Variants in PTPRM observed in about 807,000 individuals in gnomAD.
PTPRM encodes protein tyrosine phosphatase receptor type M.
PTPRM carries 47 observed loss-of-function variants against 186.7 expected under a neutral mutation model. The observed-to-expected ratio is 0.25, with a 90% CI of 0.20 to 0.32. The LOEUF (loss-of-function observed/expected upper bound fraction) is 0.32. Among genes scored for constraint, PTPRM ranks in the 10% least tolerant of loss-of-function variants. PTPRM has a pLI of 1.00. For synonymous variants in PTPRM, 668 were observed against 674.9 expected (o/e 0.99, Z 0.16); for missense variants, 1,494 against 1,865.0 (o/e 0.80, Z 3.66).
intron 23 of PTPRM, among the ~76,000 whole-genome samples, chr18:8,351,159 C>T (rs1032180024): frequency 1.1e-4 from 16 of 152,294 alleles, no homozygotes; most frequent in African/African-American, 3.6e-4. Context: ...AAAATTCCAC[C>T]CTTTCTAAGA....
intron 1 of PTPRM, chr18:7,750,878 TCC>T (rs2041181095): frequency 6.6e-6 from 1 of 151,684 alleles, no homozygotes; most frequent in South Asian, 2.1e-4. Flanking sequence ...TGGAAGCAAG[TCC>T]CCCTTGGGGT....
intron 22 of PTPRM, among the ~76,000 whole-genome samples, chr18:8,321,345 CTAAAG>C (rs2095344458): frequency 6.6e-6 from 1 of 152,136 alleles, no homozygotes; most frequent in South Asian, 2.1e-4. Flanking sequence ...AAACGAACAG[CTAAAG>C]TAGAGACTGA....
At chr18:7,921,135 C>T (rs1425196730) in intron 4 of PTPRM, among the ~76,000 whole-genome samples, 3 of 152,062 alleles carry the variant, frequency 2.0e-5, no homozygotes, top group African/African-American at 7.2e-5. Context: ...TTATCTCTTT[C>T]ATGTTTTGGA....
intron 14 of PTPRM, among the ~76,000 whole-genome samples, chr18:8,160,741 C>T (rs945949434): frequency 6.6e-6 from 1 of 152,232 alleles, no homozygotes; most frequent in East Asian, 1.9e-4. Flanking sequence ...CAGGACTTAG[C>T]ATTTCCAGGC....
chr18:8,291,758 A>G (rs1175708066), intron 19 of PTPRM, among the ~76,000 whole-genome samples: 1 of 152,158 alleles, frequency 6.6e-6, no homozygotes, highest in East Asian at 1.9e-4. Flanking sequence ...GAATAATTGC[A>G]TAGTAAAGTT....
chr18:7,748,133 G>C (rs1292802204), intron 1 of PTPRM, among the ~76,000 whole-genome samples: 1 of 152,198 alleles, frequency 6.6e-6, no homozygotes, highest in Non-Finnish European at 1.5e-5. Flanking sequence ...GGTGTGGGCT[G>C]TAGACCAGAA....
In PTPRM at chr18:8,316,416, A is replaced by G. The variant is rs77961649; in HGVS notation, c.2919+1559A>G. ...ACCGGTGAGTAAGTGGAAATGCAGG[A>G]GAGAAGATATTCCAGCTCAAGGAGG... On this transcript the variant is annotated intron_variant, in intron 21 of 32. Coordinates refer to ENST00000580170, the MANE Select transcript of PTPRM (RefSeq NM_001105244.2). Among the ~76,000 whole-genome samples, 828 of 152,330 alleles carry G rather than the reference A, an allele frequency of 5.4e-3. 5 individuals are homozygous for G. Among genetic ancestry groups the G allele is most frequent in the African/African-American group, 0.019 (792 of 41,592 alleles).
chr18:7,639,887 A>C (rs2038406812), intron 1 of PTPRM, among the ~76,000 whole-genome samples: 2 of 152,224 alleles, frequency 1.3e-5, no homozygotes, highest in Non-Finnish European at 2.9e-5. Context: ...AATTTACCCA[A>C]AGAGTATTGC....
intron 32 of PTPRM, chr18:8,399,846 T>C (rs1266049823): frequency 1.3e-5 from 2 of 152,054 alleles, no homozygotes; most frequent in African/African-American, 4.8e-5. Context: ...GGGAAAAAAA[T>C]CGACAACTAA....
intron 14 of PTPRM, among the ~76,000 whole-genome samples, chr18:8,232,207 TTATG>T (rs750651781): frequency 5.3e-4 from 80 of 152,362 alleles, no homozygotes; most frequent in Non-Finnish European, 9.8e-4. Flanking sequence ...TTTTTTGCCA[TTATG>T]TAGCCTTTCA....
chr18:7,652,143 C>T (rs1348569272), intron 1 of PTPRM, among the ~76,000 whole-genome samples: 1 of 152,182 alleles, frequency 6.6e-6, no homozygotes, highest in Non-Finnish European at 1.5e-5. Flanking sequence ...CTAAAAAACA[C>T]ATGAAAAAAT....
intron 14 of PTPRM, among the ~76,000 whole-genome samples, chr18:8,146,971 G>A (rs1001645417): frequency 6.6e-5 from 10 of 152,098 alleles, no homozygotes; most frequent in African/African-American, 2.4e-4. Flanking sequence ...GATGTGTGGT[G>A]TTATTTCTGA....
chr18:7,645,102 A>G (rs112228507), intron 1 of PTPRM, among the ~76,000 whole-genome samples: 105 of 152,296 alleles, frequency 6.9e-4, no homozygotes, highest in African/African-American at 2.5e-3. Context: ...GAAAAATAAT[A>G]TGTTTTTCCC....
At chr18:8,026,787 G>A (rs2085598740) in intron 7 of PTPRM, among the ~76,000 whole-genome samples, 1 of 152,124 alleles carries the variant, frequency 6.6e-6, no homozygotes, top group Admixed American at 6.6e-5. Flanking sequence ...TAACCCAGTA[G>A]GTGGAGGTTG....
intron 20 of PTPRM, among the ~76,000 whole-genome samples, chr18:8,302,203 G>A (rs925528876): frequency 2.6e-4 from 39 of 152,206 alleles, no homozygotes; most frequent in African/African-American, 8.2e-4. Flanking sequence ...GACTGAGTGA[G>A]GAGGTATGGG....
intron 28 of PTPRM, among the ~76,000 whole-genome samples, chr18:8,379,721 C>T (rs1330999243): frequency 2.6e-5 from 4 of 152,204 alleles, no homozygotes; most frequent in African/African-American, 9.7e-5. Context: ...AAGTTCAACT[C>T]ATTACTTCCT....
chr18:8,085,527 CA>C lies in PTPRM; in HGVS notation c.1552-143del, dbSNP rs943684368. The C allele has an allele frequency of 4.3e-6, 3 of 705,208 alleles. No homozygotes were observed. In the African/African-American group the frequency reaches 5.4e-5, roughly 13 times the overall value. 43.7% of individuals were successfully genotyped at this position (705,208 alleles called of 1,614,324 possible). A position where few individuals can be genotyped will look rare whatever the true frequency, so the allele number is the denominator to read the frequency against. Reference sequence around the variant, plus strand: ...CTTTGGCGGAGTTCCTTCATCCCTTCAGTGGATTCAGGATTTCAAGAGTCTG... The same window carrying C: ...CTTTGGCGGAGTTCCTTCATCCCTTCGTGGATTCAGGATTTCAAGAGTCTG... On this transcript the variant is annotated intron_variant, in intron 9 of 32. Transcript: ENST00000580170.
intron 4 of PTPRM, among the ~76,000 whole-genome samples, chr18:7,921,004 G>T (rs1689382952): frequency 6.6e-6 from 1 of 151,954 alleles, no homozygotes; most frequent in African/African-American, 2.4e-5. Context: ...CTTTTCTCTT[G>T]CTACTTTTAG....
intron 1 of PTPRM, among the ~76,000 whole-genome samples, chr18:7,621,750 C>A (rs1240344226): frequency 6.6e-6 from 1 of 152,160 alleles, no homozygotes; most frequent in Non-Finnish European, 1.5e-5. Context: ...TCTTCTTTCA[C>A]TTAATAATAT....
Sources: gnomAD v4.1 joint callset for allele counts (sites outside exome capture counted in the v4.1 genomes callset) on GRCh38, gnomAD v4.1.1 for gene constraint, MANE v1.5 for transcripts, NCBI Gene and HGNC (gene_info 2026-07-23, HGNC 2026-07-21) for gene names.